Variants in MSRA observed in about 807,000 individuals in gnomAD.
MSRA encodes the protein methionine sulfoxide reductase A.
A neutral mutation model predicts 31.3 loss-of-function variants in MSRA; 54 were observed. The ratio of observed to expected loss-of-function variants is 1.73; its 90% CI spans 1.39 to 2.17. MSRA has a LOEUF of 2.17. Among genes scored for constraint, MSRA ranks in the 30% most tolerant of loss-of-function variants. The pLI, the probability that MSRA is intolerant of heterozygous loss-of-function variation, is 0.00. For synonymous variants in MSRA, 169 were observed against 116.5 expected, an observed-to-expected ratio of 1.45 and a Z score of -2.90; for missense variants, 507 against 300.9, an observed-to-expected ratio of 1.69 and a Z score of -5.07.
intron 1 of MSRA, 138 bp from the exon 2 acceptor site, chr8:10,207,695 G>C: frequency 1.5e-6 from 1 of 661,590 alleles, no homozygotes; most frequent in Non-Finnish European, 2.4e-6. Flanking sequence ...CAAAATAATT[G>C]AAGCTCTCTT....
intron 3 of MSRA, among the ~76,000 whole-genome samples, chr8:10,266,805 T>C (rs1273112228): frequency 6.6e-6 from 1 of 152,186 alleles, no homozygotes; most frequent in East Asian, 1.9e-4. Flanking sequence ...ATTGGATCTG[T>C]GGATTAAGGT....
rs144829623 is a variant in MSRA, at chr8:10,158,324, G to T, written c.143-49509G>T. Among the ~76,000 whole-genome samples the T allele has an allele frequency of 1.7e-3, 255 of 152,302 alleles. 2 individuals carry two copies. The highest frequency in any genetic ancestry group is 5.8e-3 in the African/African-American group (241 of 41,556). The stretch of plus-strand genomic sequence containing the variant: ...CCATCACCACAGTCAATTTTAAAAC[G>T]TTTGCATTACCTCAAAAAGAGGCCC... On this transcript the variant is annotated intron_variant, in intron 1 of 5. Transcript: ENST00000317173.
At chr8:10,271,944 G>A (rs1467335936) in intron 3 of MSRA, among the ~76,000 whole-genome samples, 4 of 152,106 alleles carry the variant, frequency 2.6e-5, no homozygotes, top group Non-Finnish European at 5.9e-5. Context: ...TCAACCTAAG[G>A]TGACCCGCAC....
At chr8:10,212,306 G>T (rs931671635) in intron 2 of MSRA, among the ~76,000 whole-genome samples, 1 of 152,066 alleles carries the variant, frequency 6.6e-6, no homozygotes, top group Non-Finnish European at 1.5e-5. Context: ...AAATAATGAG[G>T]GATAAACCTG....
At chr8:10,090,858 G>A (rs759769968) in intron 1 of MSRA, among the ~76,000 whole-genome samples, 3 of 152,178 alleles carry the variant, frequency 2.0e-5, no homozygotes, top group African/African-American at 4.8e-5. Flanking sequence ...CATTGCATGC[G>A]TCAGTGCTTC....
chr8:10,373,212 G>A (rs182088485), intron 5 of MSRA, among the ~76,000 whole-genome samples: 16 of 152,186 alleles, frequency 1.1e-4, no homozygotes, highest in Admixed American at 2.0e-4. Flanking sequence ...ATTTACCAGC[G>A]AAATCTTGTC....
chr8:10,317,815 G>C (rs1425428312), intron 4 of MSRA, among the ~76,000 whole-genome samples: 1 of 152,146 alleles, frequency 6.6e-6, no homozygotes, highest in African/African-American at 2.4e-5. Flanking sequence ...GTGGGAAAGG[G>C]GGCTCTGGGT....
At chr8:10,339,026 C>T (rs1376715883) in intron 5 of MSRA, among the ~76,000 whole-genome samples, 1 of 152,184 alleles carries the variant, frequency 6.6e-6, no homozygotes, top group African/African-American at 2.4e-5. Flanking sequence ...AAAGATCTGG[C>T]ATTTTATTCT....
intron 1 of MSRA, among the ~76,000 whole-genome samples, chr8:10,067,597 C>G (rs1206359661): frequency 1.3e-5 from 2 of 152,192 alleles, no homozygotes; most frequent in African/African-American, 4.8e-5. Context: ...CCATAACAAA[C>G]TGCCAAATTG....
chr8:10,411,809 A>C (rs187110736), intron 5 of MSRA, among the ~76,000 whole-genome samples: 1 of 152,366 alleles, frequency 6.6e-6, no homozygotes, highest in Non-Finnish European at 1.5e-5. Flanking sequence ...GTTGAAAGTT[A>C]ATTTTCTCTG....
intron 5 of MSRA, among the ~76,000 whole-genome samples, chr8:10,422,023 G>A (rs1259916256): frequency 6.6e-6 from 1 of 152,188 alleles, no homozygotes; most frequent in Non-Finnish European, 1.5e-5. Context: ...GCTCACACCT[G>A]TAATCCCAGC....
chr8:10,246,731 T>C (rs1010033414), intron 3 of MSRA, among the ~76,000 whole-genome samples: 1 of 152,224 alleles, frequency 6.6e-6, no homozygotes, highest in Admixed American at 6.5e-5. Context: ...ATGTGCATGT[T>C]CTTATTTTTT....
Position 10,054,331 on chromosome 8 carries a change from G to T in MSRA, c.-186G>T. 1 of 452,446 alleles carries T rather than the reference G, an allele frequency of 2.2e-6. No individual in the cohort carries two copies. The highest frequency in any genetic ancestry group is 3.5e-6 in the Non-Finnish European group (1 of 283,328). The allele number at this position is 452,446 out of a possible 1,614,324, so 28.0% of individuals were successfully genotyped here. On this transcript the variant is annotated 5_prime_UTR_variant, in exon 1 of 6. Transcript: ENST00000317173. ...CACGCCCCCGGTGACAGCCGGTACG[G>T]CCCCGGGTTTGGGCAACCTCGATTA...
chr8:10,140,609 T>C (rs1032203650), intron 1 of MSRA, among the ~76,000 whole-genome samples: 3 of 152,178 alleles, frequency 2.0e-5, no homozygotes, highest in African/African-American at 4.8e-5. Flanking sequence ...TTGTGTAATA[T>C]GCATAATTTC....
intron 5 of MSRA, among the ~76,000 whole-genome samples, chr8:10,340,173 C>T (rs551470824): frequency 5.3e-5 from 8 of 152,192 alleles, no homozygotes; most frequent in South Asian, 2.1e-4. Context: ...CAGCAGAGCT[C>T]GGAGACCACA....
chr8:10,416,028 G>A (rs184025021), intron 5 of MSRA, among the ~76,000 whole-genome samples: 305 of 152,178 alleles, frequency 2.0e-3, no homozygotes, highest in Middle Eastern at 3.4e-3. Flanking sequence ...TGGGGGACAG[G>A]AGTCCTCGTC....
intron 3 of MSRA, among the ~76,000 whole-genome samples, chr8:10,283,324 C>A (rs148213856): frequency 6.6e-6 from 1 of 152,206 alleles, no homozygotes; most frequent in Non-Finnish European, 1.5e-5. Flanking sequence ...CCTTCAGAAC[C>A]CTCTTCATAT....
chr8:10,235,130 C>G (rs1252258891), intron 2 of MSRA, among the ~76,000 whole-genome samples: 2 of 152,080 alleles, frequency 1.3e-5, no homozygotes. Flanking sequence ...TTATGCTTTT[C>G]AAGCACACAT....
chr8:10,136,442 C>G (rs574227918), intron 1 of MSRA, among the ~76,000 whole-genome samples: 1 of 152,158 alleles, frequency 6.6e-6, no homozygotes, highest in Non-Finnish European at 1.5e-5. Context: ...CTCTCTCGTA[C>G]GCAAGAAACA....
Sources: gnomAD v4.1 joint callset for allele counts (sites outside exome capture counted in the v4.1 genomes callset) on GRCh38, gnomAD v4.1.1 for gene constraint, MANE v1.5 for transcripts, NCBI Gene and HGNC (gene_info 2026-07-23, HGNC 2026-07-21) for gene names.